The following MAML2 variants were observed in gnomAD, a reference collection of about 807,000 sequenced individuals.
MAML2 encodes mastermind like transcriptional coactivator 2.
A neutral mutation model predicts 96.1 loss-of-function variants in MAML2; 22 were observed. That is an observed-to-expected ratio of 0.23 (90% CI 0.16 to 0.33). MAML2 has a LOEUF of 0.33. Among genes scored for constraint, MAML2 ranks in the 10% least tolerant of loss-of-function variants. The probability of loss-of-function intolerance (pLI) is 1.00; values close to 1 mark genes in which losing one functional copy is unlikely to be tolerated. For synonymous variants in MAML2, 561 were observed against 521.3 expected (o/e 1.08, Z -1.04); for missense variants, 1,367 against 1,392.4 (o/e 0.98, Z 0.29).
intron 1 of MAML2, among the ~76,000 whole-genome samples, chr11:96,169,808 C>T (rs966133281): frequency 6.6e-6 from 1 of 152,168 alleles, no homozygotes; most frequent in Non-Finnish European, 1.5e-5. Context: ...GTGCGTGCCA[C>T]CATGCCCAGA....
chr11:96,277,761 CT>C (rs1363454219), intron 1 of MAML2, among the ~76,000 whole-genome samples: 14 of 147,974 alleles, frequency 9.5e-5, no homozygotes, highest in Non-Finnish European at 1.8e-4. Context: ...AAAATTAGAA[CT>C]TTCTAAAATA....
intron 1 of MAML2, among the ~76,000 whole-genome samples, chr11:96,244,037 C>T (rs1862478167): frequency 6.6e-6 from 1 of 152,200 alleles, no homozygotes; most frequent in African/African-American, 2.4e-5. Flanking sequence ...CAGAGGCGGA[C>T]CTCAAGTGGC....
intron 1 of MAML2, among the ~76,000 whole-genome samples, chr11:96,148,068 A>G (rs1322829353): frequency 6.6e-6 from 1 of 152,174 alleles, no homozygotes. Context: ...ACTGTGGTGC[A>G]TTCATCTCTC....
rs567116371 is a variant in MAML2 at position 96,044,022 on chromosome 11, G to T, written c.2139+47870C>A. ...CTATGGCCCATGGAGACAAAGGCAG[G>T]TGTGGAGTACACAAAGCCAGAGGGA... On this transcript the variant is annotated intron_variant, in intron 2 of 4. Coordinates refer to ENST00000524717, the MANE Select transcript of MAML2 (RefSeq NM_032427.4). Among the ~76,000 whole-genome samples, 70 of 152,380 alleles carry T rather than the reference G, an allele frequency of 4.6e-4. 1 individual carries two copies. The Middle Eastern group carries it at 0.017, about 37-fold the overall frequency.
chr11:96,130,882 T>A (rs1178167155), intron 1 of MAML2, among the ~76,000 whole-genome samples: 1 of 152,026 alleles, frequency 6.6e-6, no homozygotes, highest in African/African-American at 2.4e-5. Context: ...TCTAGGACCA[T>A]CCAAAAAAAC....
At chr11:96,297,515 T>C (rs1386906315) in intron 1 of MAML2, among the ~76,000 whole-genome samples, 6 of 151,914 alleles carry the variant, frequency 3.9e-5, no homozygotes, top group East Asian at 1.9e-4. Flanking sequence ...GTGGAGGTTA[T>C]AGTGAGCCGA....
chr11:96,043,751 T>C (rs1858852753), intron 2 of MAML2, among the ~76,000 whole-genome samples: 1 of 152,244 alleles, frequency 6.6e-6, no homozygotes, highest in Non-Finnish European at 1.5e-5. Flanking sequence ...CACTAAGCAA[T>C]AATGGTGCCA....
At chr11:96,004,853 C>T (rs1016620030) in intron 2 of MAML2, among the ~76,000 whole-genome samples, 12 of 152,112 alleles carry the variant, frequency 7.9e-5, no homozygotes, top group African/African-American at 2.2e-4. Context: ...TTAATAATGG[C>T]GTCTCCTCCA....
At chr11:96,045,901 T>C (rs754730094) in intron 2 of MAML2, among the ~76,000 whole-genome samples, 28 of 122,036 alleles carry the variant, frequency 2.3e-4, no homozygotes, top group Non-Finnish European at 3.4e-4. Flanking sequence ...AGCACACTTC[T>C]GTTTTTTTTT....
chr11:95,981,729 G>C (rs1034886302), intron 4 of MAML2, among the ~76,000 whole-genome samples: 11 of 152,108 alleles, frequency 7.2e-5, no homozygotes, highest in Non-Finnish European at 1.6e-4. Flanking sequence ...GGAGACACTT[G>C]AACAATAACT....
At chr11:96,015,095 G>A (rs2135731208) in intron 2 of MAML2, among the ~76,000 whole-genome samples, 1 of 152,228 alleles carries the variant, frequency 6.6e-6, no homozygotes, top group African/African-American at 2.4e-5. Flanking sequence ...GTCAGTGATT[G>A]AGCCAAAAGT....
chr11:96,192,373 G>C (rs988780528), intron 1 of MAML2, among the ~76,000 whole-genome samples: 6 of 152,208 alleles, frequency 3.9e-5, no homozygotes, highest in African/African-American at 1.4e-4. Flanking sequence ...ACTGTGACAG[G>C]TCTGTTTCCC....
chr11:96,221,811 G>A (rs905917636), intron 1 of MAML2, among the ~76,000 whole-genome samples: 8 of 150,652 alleles, frequency 5.3e-5, no homozygotes, highest in Non-Finnish European at 1.2e-4. Flanking sequence ...ATTTGCAGAT[G>A]TGGCAGATGT....
At position 95,979,093 on chromosome 11, in the gene MAML2, T is replaced by C; in HGVS notation, c.3326A>G (p.Asp1109Gly). ...GTTATCATTTTGTTGGCTGAGGAAG[T>C]CAAAAGCTAAGTCACTGCTGTGGTC... ...GTDHSSDLAFDFLSQQNDNMG... is the reference protein window; with the variant it reads ...GTDHSSDLAFGFLSQQNDNMG... Residue 1109 changes from aspartate to glycine, a missense_variant, in exon 5 of 5, where the codon GAC becomes GGC. Transcript: ENST00000524717. 1.9e-6 allele frequency: 3 copies of C among 1,613,986 alleles called. No homozygotes were observed. The African/African-American group carries it at 4.0e-5, about 22-fold the overall frequency.
At chr11:96,073,170 G>A (rs1859373945) in intron 2 of MAML2, among the ~76,000 whole-genome samples, 2 of 152,104 alleles carry the variant, frequency 1.3e-5, no homozygotes, top group South Asian at 2.1e-4. Context: ...TCTTTGTGCT[G>A]TAAATCTTTT....
At chr11:96,179,336 C>A (rs926514255) in intron 1 of MAML2, among the ~76,000 whole-genome samples, 3 of 152,192 alleles carry the variant, frequency 2.0e-5, no homozygotes, top group East Asian at 1.9e-4. Flanking sequence ...GATCAAGTAA[C>A]AATATCAAAG....
chr11:95,983,931 A>G (rs993302971), intron 4 of MAML2, among the ~76,000 whole-genome samples: 1 of 152,206 alleles, frequency 6.6e-6, no homozygotes. Context: ...GCCTAAGTGT[A>G]CAGTGTTTAT....
intron 2 of MAML2, among the ~76,000 whole-genome samples, chr11:96,075,041 C>T (rs1859412581): frequency 6.6e-6 from 1 of 152,208 alleles, no homozygotes; most frequent in African/African-American, 2.4e-5. Context: ...CTTAATTTCA[C>T]TCTTTTTAGA....
chr11:96,037,747 G>T (rs1367490638), intron 2 of MAML2, among the ~76,000 whole-genome samples: 1 of 152,188 alleles, frequency 6.6e-6, no homozygotes, highest in Admixed American at 6.5e-5. Flanking sequence ...ACAGAGCCTG[G>T]ATGTGTCACC....
Sources: allele counts gnomAD v4.1 joint callset (sites outside exome capture counted in the v4.1 genomes callset), GRCh38; gene constraint gnomAD v4.1.1; transcripts MANE v1.5; gene names NCBI Gene and HGNC (gene_info 2026-07-23, HGNC 2026-07-21).